The following COMMD7 variants were observed in gnomAD, a reference collection of about 807,000 sequenced individuals.
COMMD7 encodes the protein COMM domain-containing protein 7.
In COMMD7, 28 loss-of-function variants were observed where a neutral mutation model predicts 34.8. That is an observed-to-expected ratio of 0.80 (90% CI 0.60 to 1.10). The LOEUF is 1.10. COMMD7 is among the 50% of genes least tolerant of loss of function. COMMD7 has a pLI of 0.00. For missense variants in COMMD7, 211 were observed against 241.6 expected, an observed-to-expected ratio of 0.87 and a Z score of 0.84; for synonymous variants, 80 against 86.4, an observed-to-expected ratio of 0.93 and a Z score of 0.41.
At chr20:32,730,309 C>T (rs1019715764) in intron 1 of COMMD7, among the ~76,000 whole-genome samples, 7 of 152,142 alleles carry the variant, frequency 4.6e-5, no homozygotes. Context: ...AATCCCAGCA[C>T]TTTCAGAGGC....
chr20:32,722,246 GAAAAAAAA>G (rs747223357), intron 3 of COMMD7, among the ~76,000 whole-genome samples: 6 of 37,024 alleles, frequency 1.6e-4, no homozygotes, highest in African/African-American at 7.6e-4. Flanking sequence ...ACTCTGTCTC[GAAAAAAAA>G]AAAAAAAAAA....
At chr20:32,708,093 A>G in intron 3 of COMMD7, among the ~76,000 whole-genome samples, 1 of 152,188 alleles carries the variant, frequency 6.6e-6, no homozygotes, top group East Asian at 1.9e-4. Context: ...TCACTTCCAG[A>G]GGGGCTGTCA....
intron 1 of COMMD7, among the ~76,000 whole-genome samples, chr20:32,730,283 G>A (rs1442498859): frequency 1.3e-5 from 2 of 151,572 alleles, no homozygotes; most frequent in African/African-American, 4.8e-5. Context: ...GGCTGGACGC[G>A]GTGGCTCACG....
chr20:32,728,883 C>T (rs1437804202), intron 1 of COMMD7, among the ~76,000 whole-genome samples: 1 of 151,950 alleles, frequency 6.6e-6, no homozygotes, highest in Non-Finnish European at 1.5e-5. Flanking sequence ...TCTTGGGTTC[C>T]CCCCACCCAT....
intron 1 of COMMD7, among the ~76,000 whole-genome samples, chr20:32,729,862 A>C (rs886206914): frequency 2.1e-5 from 3 of 139,596 alleles, no homozygotes; most frequent in Non-Finnish European, 3.2e-5. Context: ...AACAAAAAAA[A>C]ATTAGCCAGG....
intron 3 of COMMD7, among the ~76,000 whole-genome samples, chr20:32,716,859 C>T (rs1984818798): frequency 6.8e-6 from 1 of 146,848 alleles, no homozygotes; most frequent in South Asian, 2.2e-4. Flanking sequence ...GGGTTAGTAA[C>T]TTTTTTTTTT....
At chr20:32,722,305 C>A (rs1985221337) in intron 3 of COMMD7, among the ~76,000 whole-genome samples, 1 of 141,276 alleles carries the variant, frequency 7.1e-6, no homozygotes, top group African/African-American at 2.6e-5. Context: ...ACAGGGAAGA[C>A]TGGGGACAGG....
rs1207872606 is a variant in COMMD7, at chr20:32,703,413, C to T, written c.572G>A (p.Arg191Gln). The T allele has an allele frequency of 9.9e-6, 16 of 1,613,840 alleles. No homozygotes were observed. Among genetic ancestry groups the T allele is most frequent in the Middle Eastern group, 1.6e-4 (1 of 6,080 alleles). Residue 191 changes from arginine (R) to glutamine (Q), a missense_variant, in exon 9 of 9, where the codon CGA (arginine) becomes CAA (glutamine). Arg to Gln is a conservative substitution (Grantham distance 43, BLOSUM62 1). Transcript: ENST00000278980. ...GAAACACTCCATGCTGGTTCTGACT[C>T]GCTCCATCTCGTGCAGGAAGCTGTA... The part of the protein sequence containing the change: ...QFYSFLHEME[R>Q]VRTSMECFC
At chr20:32,716,676 C>T (rs1343563908) in intron 3 of COMMD7, among the ~76,000 whole-genome samples, 1 of 152,170 alleles carries the variant, frequency 6.6e-6, no homozygotes, top group Non-Finnish European at 1.5e-5. Flanking sequence ...CACCTGTAAT[C>T]CCAGCTACTC....
intron 3 of COMMD7, among the ~76,000 whole-genome samples, chr20:32,707,215 C>T (rs1389613773): frequency 1.2e-4 from 18 of 147,510 alleles, no homozygotes; most frequent in Non-Finnish European, 2.2e-4. Flanking sequence ...ACCCGGGAGG[C>T]GGAGCTTGCA....
intron 1 of COMMD7, among the ~76,000 whole-genome samples, chr20:32,741,232 G>C (rs1419392538): frequency 1.3e-5 from 2 of 151,824 alleles, no homozygotes; most frequent in East Asian, 3.9e-4. Flanking sequence ...TAGGGATGGG[G>C]GTCTCACTAT....
intron 3 of COMMD7, among the ~76,000 whole-genome samples, chr20:32,710,782 C>G (rs1215648068): frequency 6.7e-6 from 1 of 149,824 alleles, no homozygotes; most frequent in African/African-American, 2.5e-5. Context: ...ATGGACCAAT[C>G]TGCATAATAT....
chr20:32,704,221 A>G, intron 7 of COMMD7, 150 bp from the exon 8 acceptor site: 1 of 804,488 alleles, frequency 1.2e-6, no homozygotes, highest in Non-Finnish European at 2.0e-6. Context: ...AACAATTCCC[A>G]TGATTACAGG....
At chr20:32,738,560 C>T (rs1986266584) in intron 1 of COMMD7, among the ~76,000 whole-genome samples, 1 of 152,168 alleles carries the variant, frequency 6.6e-6, no homozygotes, top group East Asian at 1.9e-4. Flanking sequence ...GCACTACAGC[C>T]TGGGCAATAT....
chr20:32,722,744 G>A (rs1488730008), intron 3 of COMMD7, among the ~76,000 whole-genome samples: 1 of 147,014 alleles, frequency 6.8e-6, no homozygotes, highest in Non-Finnish European at 1.5e-5. Context: ...AGACTTGGCC[G>A]AGCCCAGTGG....
At chr20:32,707,296 T>A (rs773334482) in intron 3 of COMMD7, among the ~76,000 whole-genome samples, 1,352 of 126,684 alleles carry the variant, frequency 0.011, 19 homozygotes, top group African/African-American at 0.034. Context: ...AAAAAAAAAA[T>A]ATATATATAT....
At chr20:32,727,296 C>T (rs1159287379) in intron 3 of COMMD7, among the ~76,000 whole-genome samples, 1 of 151,736 alleles carries the variant, frequency 6.6e-6, no homozygotes. Context: ...CGCCTGTAAT[C>T]CCAGCACTAT....
chr20:32,704,369 A>T, intron 7 of COMMD7, 71 bp downstream of exon 7: 1 of 1,328,580 alleles, frequency 7.5e-7, no homozygotes, highest in Non-Finnish European at 1.0e-6. Context: ...ATATCCATTT[A>T]ACCCAATGTA....
Position 32,743,330 on chromosome 20 carries a change from T to C in COMMD7, c.62A>G (p.Gln21Arg). The change falls in exon 1 of 9, where the codon CAG becomes CGG. Residue 21 changes from glutamine (Q) to arginine (R), a missense_variant. Gln to Arg is a conservative substitution (Grantham distance 43). Coordinates refer to ENST00000278980, the MANE Select transcript of COMMD7 (RefSeq NM_053041.3). ...VPEAVGGDMQ[Q>R]LNQLGAQQFS... ...CACCTGCGCGCCCAGCTGGTTCAGC[T>C]GCTGCATGTCGCCGCCCACGGCCTC... The C allele has an allele frequency of 6.7e-7, 1 of 1,502,100 alleles. No individual in the cohort carries two copies. The highest frequency in any genetic ancestry group is 8.8e-7 in the Non-Finnish European group (1 of 1,130,866). The allele number at this position is 1,502,100 out of a possible 1,614,324, so 93.0% of individuals were successfully genotyped here.
Sources: gnomAD v4.1 joint callset for allele counts (sites outside exome capture counted in the v4.1 genomes callset) on GRCh38, gnomAD v4.1.1 for gene constraint, MANE v1.5 for transcripts, NCBI Gene and HGNC (gene_info 2026-07-23, HGNC 2026-07-21) for gene names.